Variants in ARHGAP24 observed in about 807,000 individuals in gnomAD.
ARHGAP24 encodes the protein Rho GTPase activating protein 24, also known as rho GTPase-activating protein 24.
In ARHGAP24, 50 loss-of-function variants were observed where a neutral mutation model predicts 76.4. The ratio of observed to expected loss-of-function variants is 0.65; its 90% CI spans 0.52 to 0.83. ARHGAP24 has a LOEUF of 0.83. ARHGAP24 is among the 40% of genes least tolerant of loss of function. The pLI, the probability that ARHGAP24 is intolerant of heterozygous loss-of-function variation, is 0.00. For synonymous variants in ARHGAP24, 345 were observed against 323.3 expected, an observed-to-expected ratio of 1.07 and a Z score of -0.72; for missense variants, 930 against 914.2, an observed-to-expected ratio of 1.02 and a Z score of -0.22.
intron 2 of ARHGAP24, among the ~76,000 whole-genome samples, chr4:85,663,105 G>A (rs951695361): frequency 3.2e-4 from 49 of 151,686 alleles, no homozygotes; most frequent in African/African-American, 1.0e-3. Context: ...AAATTACCTC[G>A]GGCAGTGTGG....
At chr4:85,697,633 A>T (rs1027300998) in intron 2 of ARHGAP24, among the ~76,000 whole-genome samples, 1 of 152,252 alleles carries the variant, frequency 6.6e-6, no homozygotes, top group Non-Finnish European at 1.5e-5. Context: ...TCTAGAAGAC[A>T]GGTTAACATA....
At chr4:85,565,199 G>T (rs2110138503) in intron 1 of ARHGAP24, among the ~76,000 whole-genome samples, 1 of 151,814 alleles carries the variant, frequency 6.6e-6, no homozygotes, top group Non-Finnish European at 1.5e-5. Flanking sequence ...AAACTATTTT[G>T]TTTAAAATAA....
At chr4:85,997,990 T>G (rs1490806022) in intron 9 of ARHGAP24, among the ~76,000 whole-genome samples, 1 of 152,178 alleles carries the variant, frequency 6.6e-6, no homozygotes, top group African/African-American at 2.4e-5. Context: ...AATATTGTAT[T>G]GTGGTCAGAG....
intron 3 of ARHGAP24, among the ~76,000 whole-genome samples, chr4:85,889,838 C>A (rs143553852): frequency 1.2e-3 from 176 of 152,232 alleles, no homozygotes; most frequent in African/African-American, 4.2e-3. Flanking sequence ...TTCTTAATCC[C>A]CCCTAAACGC....
chr4:85,948,625 A>G (rs1737421900), intron 5 of ARHGAP24, among the ~76,000 whole-genome samples: 1 of 152,208 alleles, frequency 6.6e-6, no homozygotes, highest in Non-Finnish European at 1.5e-5. Flanking sequence ...ATGAAATGTG[A>G]CCTTATTATC....
chr4:85,694,461 T>C (rs1255606924), intron 2 of ARHGAP24, among the ~76,000 whole-genome samples: 1 of 152,188 alleles, frequency 6.6e-6, no homozygotes, highest in East Asian at 1.9e-4. Flanking sequence ...ATACCAAGCA[T>C]CTAGAGCAGC....
At chr4:85,692,153 C>T (rs562392175) in intron 2 of ARHGAP24, among the ~76,000 whole-genome samples, 1 of 152,252 alleles carries the variant, frequency 6.6e-6, no homozygotes, top group African/African-American at 2.4e-5. Flanking sequence ...TGAAAATGGA[C>T]CCCCAATCTC....
chr4:85,870,624 G>C (rs1387192564), intron 3 of ARHGAP24, among the ~76,000 whole-genome samples: 1 of 152,040 alleles, frequency 6.6e-6, no homozygotes, highest in African/African-American at 2.4e-5. Flanking sequence ...ACGAACATAC[G>C]AGTGCTTGGA....
In ARHGAP24 at chr4:85,537,947, G is replaced by A. The variant is rs562119430; in HGVS notation, c.-20-32575G>A. 1.6e-4 allele frequency among the ~76,000 whole-genome samples: 25 copies of A among 152,026 alleles called. 1 individual carries two copies. The South Asian group carries it at 4.8e-3, about 29-fold the overall frequency. ...GGAAAGATACTTCTTTAAAGGTACAGATATGTATACCAAGGCTGAAGTATG... is the reference window on the plus strand; with the variant it reads ...GGAAAGATACTTCTTTAAAGGTACAAATATGTATACCAAGGCTGAAGTATG... On this transcript the variant is annotated intron_variant, in intron 1 of 9. Coordinates refer to ENST00000395184, the MANE Select transcript of ARHGAP24 (RefSeq NM_001025616.3).
intron 3 of ARHGAP24, among the ~76,000 whole-genome samples, chr4:85,807,245 G>A (rs756050044): frequency 3.3e-5 from 5 of 152,060 alleles, no homozygotes; most frequent in Non-Finnish European, 4.4e-5. Context: ...TTCTCCTAAT[G>A]CCATCCCTCC....
intron 1 of ARHGAP24, among the ~76,000 whole-genome samples, chr4:85,507,933 A>G (rs998724818): frequency 2.6e-5 from 4 of 152,174 alleles, no homozygotes; most frequent in Non-Finnish European, 5.9e-5. Flanking sequence ...TTAGAAAAGT[A>G]TCTAAAATAT....
intron 3 of ARHGAP24, among the ~76,000 whole-genome samples, chr4:85,835,481 G>A (rs1254642176): frequency 3.3e-5 from 5 of 149,744 alleles, no homozygotes; most frequent in Non-Finnish European, 7.4e-5. Flanking sequence ...ACGTGAACCC[G>A]GGAGGCGGAG....
At chr4:85,863,429 A>G (rs188190016) in intron 3 of ARHGAP24, among the ~76,000 whole-genome samples, 269 of 152,236 alleles carry the variant, frequency 1.8e-3, no homozygotes, top group African/African-American at 6.3e-3. Flanking sequence ...TCTTTTTAAA[A>G]AAATCATGTC....
At chr4:85,506,733 C>T (rs1003554684) in intron 1 of ARHGAP24, among the ~76,000 whole-genome samples, 15 of 152,226 alleles carry the variant, frequency 9.9e-5, no homozygotes, top group African/African-American at 3.6e-4. Flanking sequence ...TGCTTCGACT[C>T]ACCCTCTGTG....
chr4:85,907,710 A>G (rs1734847100), intron 3 of ARHGAP24, among the ~76,000 whole-genome samples: 1 of 152,184 alleles, frequency 6.6e-6, no homozygotes, highest in South Asian at 2.1e-4. Context: ...CCCTCATTAG[A>G]CAGTAGATTA....
intron 2 of ARHGAP24, among the ~76,000 whole-genome samples, chr4:85,582,688 T>C (rs916230346): frequency 1.3e-5 from 2 of 152,126 alleles, no homozygotes; most frequent in Non-Finnish European, 2.9e-5. Context: ...AAATGTCAGA[T>C]ACTTTAATCG....
intron 3 of ARHGAP24, among the ~76,000 whole-genome samples, chr4:85,814,758 T>C (rs1282460572): frequency 1.3e-5 from 2 of 152,012 alleles, no homozygotes; most frequent in Admixed American, 6.6e-5. Flanking sequence ...GGAAGACAGA[T>C]TCTTCTCATA....
At chr4:85,488,665 T>C (rs1723243492) in intron 1 of ARHGAP24, among the ~76,000 whole-genome samples, 1 of 152,150 alleles carries the variant, frequency 6.6e-6, no homozygotes, top group African/African-American at 2.4e-5. Flanking sequence ...CTTTCTCACC[T>C]GGGGTTCCTT....
intron 3 of ARHGAP24, among the ~76,000 whole-genome samples, chr4:85,835,241 G>A (rs1730196038): frequency 6.6e-6 from 1 of 151,126 alleles, no homozygotes; most frequent in Non-Finnish European, 1.5e-5. Flanking sequence ...CTAGTAACTC[G>A]CACAATGTAA....
Sources: allele counts gnomAD v4.1 joint callset (sites outside exome capture counted in the v4.1 genomes callset), GRCh38; gene constraint gnomAD v4.1.1; transcripts MANE v1.5; gene names NCBI Gene and HGNC (gene_info 2026-07-23, HGNC 2026-07-21).